SORL1: variants seen among roughly 807,000 people sequenced by gnomAD.
SORL1 encodes the protein sortilin related receptor 1.
In SORL1, 127 loss-of-function variants were observed where a neutral mutation model predicts 273.7. The observed-to-expected ratio is 0.46, with a 90% CI of 0.40 to 0.54. The LOEUF (loss-of-function observed/expected upper bound fraction) is 0.54. SORL1 is among the 20% of genes least tolerant of loss of function. The pLI is 0.00. For missense variants in SORL1, 2,494 were observed against 2,846.1 expected (o/e 0.88, Z 2.81); for synonymous variants, 1,031 against 1,067.4 (o/e 0.97, Z 0.66).
intron 12 of SORL1, among the ~76,000 whole-genome samples, chr11:121,536,011 C>T (rs980712284): frequency 2.0e-5 from 3 of 152,262 alleles, no homozygotes; most frequent in Non-Finnish European, 1.5e-5. Context: ...GCACCCTGAC[C>T]GAAGAAGATT....
At chr11:121,528,933 G>T (rs535552171) in intron 11 of SORL1, among the ~76,000 whole-genome samples, 24 of 152,206 alleles carry the variant, frequency 1.6e-4, no homozygotes, top group Admixed American at 1.5e-3. Context: ...ATTTTTGGGG[G>T]TTCTAGTTCT....
Position 121,605,209 on chromosome 11 carries a change from C to T in SORL1, c.4748C>T (p.Ser1583Phe). The change falls in exon 34 of 48, where the codon TCT (serine) becomes TTT (phenylalanine). Residue 1583 changes from serine (S) to phenylalanine (F), a missense_variant. Physicochemically the swap from Ser to Phe is radical, Grantham distance 155. Transcript: ENST00000260197. The part of the protein sequence containing the change: ...LTWMRPKKMP[S>F]ASCVYNVYYR... ...TGGATGAGGCCCAAAAAAATGCCCTCTGCTTCTTGTGTATATAATGTCTAC... is the reference window on the plus strand; with the variant it reads ...TGGATGAGGCCCAAAAAAATGCCCTTTGCTTCTTGTGTATATAATGTCTAC... 1 of 1,613,796 alleles carries T rather than the reference C, an allele frequency of 6.2e-7. No individual in the cohort carries two copies. Among genetic ancestry groups the T allele is most frequent in the South Asian group, 1.1e-5 (1 of 91,012 alleles).
chr11:121,614,840 C>G (rs759840106), intron 40 of SORL1, 31 bp from the exon 41 acceptor site: 4 of 1,597,534 alleles, frequency 2.5e-6, no homozygotes, highest in Non-Finnish European at 2.6e-6. Flanking sequence ...CCCCAACTTC[C>G]TCCTGGAATC....
At position 121,554,148 on chromosome 11, in the gene SORL1, C is replaced by T. The variant is rs374133628; in HGVS notation, c.2439+39C>T. On this transcript the variant is annotated intron_variant, in intron 17 of 47. Coordinates refer to ENST00000260197, the MANE Select transcript of SORL1 (RefSeq NM_003105.6). The surrounding 1 kb of genome is among the most constrained non-coding windows in gnomAD (Gnocchi z 4.6). ...TGGTCTGACTGTGGGAGCTGTGCAT[C>T]GTGACTGCCCTGTCCTGATAAGCTG... 159 of 1,585,960 alleles carry T rather than the reference C, an allele frequency of 1.0e-4. No individual in the cohort carries two copies. The African/African-American group carries it at 1.4e-3, about 14-fold the overall frequency.
At chr11:121,570,392 G>GCCCCATCAAC in intron 23 of SORL1, 122 bp downstream of exon 23, 1 of 622,708 alleles carries the variant, frequency 1.6e-6, no homozygotes, top group Non-Finnish European at 2.9e-6. Context: ...GCCCATCTAA[G>GCCCCATCAAC]TTGATGGGGC....
chr11:121,604,249 G>T lies in SORL1; in HGVS notation c.4576G>T (p.Ala1526Ser). 6 of 1,614,148 alleles carry T rather than the reference G, an allele frequency of 3.7e-6. No homozygotes were observed. Among genetic ancestry groups the T allele is most frequent in the Non-Finnish European group, 5.1e-6 (6 of 1,180,030 alleles). Residue 1526 changes from alanine (A) to serine (S), a missense_variant, in exon 33 of 48, where the codon GCC becomes TCC. This residue lies in a region of SORL1 where 1,609 missense variants were observed against 1,816.4 expected (regional missense o/e 0.89). Coordinates refer to ENST00000260197, the MANE Select transcript of SORL1 (RefSeq NM_003105.6). ...GGAGTTCCAGTGCGAGGACGGGGAG[G>T]CCTGCATTGTGCTCTCGGAGCGCTG... ...SREFQCEDGE[A>S]CIVLSERCDG...
At chr11:121,555,374 T>G (rs1037206965) in intron 18 of SORL1, 56 bp downstream of exon 18, 190 of 1,597,578 alleles carry the variant, frequency 1.2e-4, no homozygotes, top group Non-Finnish European at 1.5e-4. Context: ...CACCTGGGCT[T>G]TGAGCCACAT....
At chr11:121,607,431 G>A (rs573487606) in intron 37 of SORL1, 141 bp downstream of exon 37, 12 of 502,922 alleles carry the variant, frequency 2.4e-5, no homozygotes, top group South Asian at 2.1e-4. Context: ...GCCCTGGGAC[G>A]GGGGAGCTCA....
intron 5 of SORL1, among the ~76,000 whole-genome samples, chr11:121,494,123 G>A (rs1176710020): frequency 6.6e-6 from 1 of 152,142 alleles, no homozygotes; most frequent in Admixed American, 6.5e-5. Context: ...GGGCAAACCA[G>A]CAGAATTACT....
chr11:121,587,912 CT>C (rs1202043844), intron 27 of SORL1, 107 bp from the exon 28 acceptor site: 9 of 1,334,862 alleles, frequency 6.7e-6, no homozygotes, highest in African/African-American at 2.9e-5. Context: ...GTGGCTTTTA[CT>C]GTTGCTTCCT....
Position 121,513,089 on chromosome 11 carries a change from A to C in SORL1, c.1026A>C (p.Thr342=). 6.2e-7 allele frequency: 1 copy of C among 1,612,656 alleles called. No homozygotes were observed. The highest frequency in any genetic ancestry group is 8.5e-7 in the Non-Finnish European group (1 of 1,178,642). Residue 342 remains threonine (T), a synonymous_variant, in exon 7 of 48, where the codon ACA becomes ACC. Transcript: ENST00000260197. ...CCATGAGAGCAGCCCAGTTTGTCAC[A>C]AGACATCCTATTAATGTGAGTGGGG... ...RKPMRAAQFV[T]RHPINEYYIA... is the part of the protein sequence containing the mutation.
chr11:121,554,577 C>T lies in SORL1; in HGVS notation c.2439+468C>T, dbSNP rs556885295. 3.9e-5 allele frequency among the ~76,000 whole-genome samples: 6 copies of T among 152,326 alleles called. No homozygotes were observed. The highest frequency in any genetic ancestry group is 2.1e-4 in the South Asian group (1 of 4,828). On this transcript the variant is annotated intron_variant, in intron 17 of 47. Coordinates refer to ENST00000260197, the MANE Select transcript of SORL1 (RefSeq NM_003105.6). The surrounding 1 kb of genome is among the most constrained non-coding windows in gnomAD (Gnocchi z 4.6). ...TGGACAGGCCAGGTGGATAGCCATA[C>T]GCTCACACCCATGCATTTAAAGGAG...
At chr11:121,518,716 C>T (rs922925499) in intron 8 of SORL1, among the ~76,000 whole-genome samples, 4 of 152,156 alleles carry the variant, frequency 2.6e-5, no homozygotes, top group East Asian at 1.9e-4. Flanking sequence ...GCATTTCATT[C>T]GGCACTCTGC....
intron 41 of SORL1, among the ~76,000 whole-genome samples, chr11:121,616,055 G>C (rs950462623): frequency 1.3e-5 from 2 of 152,190 alleles, no homozygotes; most frequent in South Asian, 4.1e-4. Context: ...GTGATGAGAA[G>C]CCCTGACCTA....
At chr11:121,544,946 G>A (rs549241046) in intron 13 of SORL1, among the ~76,000 whole-genome samples, 1 of 152,310 alleles carries the variant, frequency 6.6e-6, no homozygotes, top group South Asian at 2.1e-4. Context: ...ACACTTCTGA[G>A]TACTCATTTC....
intron 3 of SORL1, among the ~76,000 whole-genome samples, chr11:121,485,980 A>G (rs1051734536): frequency 6.6e-6 from 1 of 152,190 alleles, no homozygotes; most frequent in East Asian, 1.9e-4. Context: ...GGATTTGGGG[A>G]GAGAGTGCAA....
intron 18 of SORL1, among the ~76,000 whole-genome samples, chr11:121,556,639 G>A (rs1862590779): frequency 6.6e-6 from 1 of 152,230 alleles, no homozygotes; most frequent in South Asian, 2.1e-4. Context: ...GCAAAATGGT[G>A]TCAGATGAGC....
chr11:121,487,926 TG>T (rs1223845403), intron 3 of SORL1, 105 bp from the exon 4 acceptor site: 3 of 1,166,222 alleles, frequency 2.6e-6, no homozygotes, highest in Non-Finnish European at 3.7e-6. Context: ...TGGTGCCAGC[TG>T]GCCCCTGCAC....
At chr11:121,536,566 A>G (rs1433828105) in intron 12 of SORL1, among the ~76,000 whole-genome samples, 1 of 142,446 alleles carries the variant, frequency 7.0e-6, no homozygotes, top group Non-Finnish European at 1.5e-5. Flanking sequence ...TGCCTGGCTA[A>G]TTTTTATATC....
Sources: allele counts gnomAD v4.1 joint callset (sites outside exome capture counted in the v4.1 genomes callset), GRCh38; gene constraint gnomAD v4.1.1; regional missense constraint gnomAD v4.1.1; non-coding constraint Gnocchi (gnomAD v3.1); transcripts MANE v1.5; gene names NCBI Gene and HGNC (gene_info 2026-07-23, HGNC 2026-07-21).